The following TLN2 variants were observed in gnomAD, a reference collection of about 807,000 sequenced individuals.
The protein encoded by TLN2 is talin-2.
A neutral mutation model predicts 294.7 loss-of-function variants in TLN2; 118 were observed. The ratio of observed to expected loss-of-function variants is 0.40; its 90% CI spans 0.34 to 0.47. TLN2 has a LOEUF of 0.47. Among genes scored for constraint, TLN2 ranks in the 20% least tolerant of loss-of-function variants. The probability of loss-of-function intolerance (pLI) is 0.84; values close to 1 mark genes in which losing one functional copy is unlikely to be tolerated. For synonymous variants in TLN2, 1,431 were observed against 1,304.5 expected, an observed-to-expected ratio of 1.10 and a Z score of -2.09; for missense variants, 3,083 against 3,282.2, an observed-to-expected ratio of 0.94 and a Z score of 1.48.
At chr15:62,787,297 G>A (rs2064743079) in intron 45 of TLN2, among the ~76,000 whole-genome samples, 2 of 152,160 alleles carry the variant, frequency 1.3e-5, no homozygotes, top group South Asian at 4.1e-4. Flanking sequence ...CCTGGTTTCA[G>A]ATGTAGTTGT....
intron 52 of TLN2, among the ~76,000 whole-genome samples, chr15:62,814,197 A>G (rs2066902917): frequency 6.6e-6 from 1 of 152,252 alleles, no homozygotes; most frequent in African/African-American, 2.4e-5. Context: ...AGTAGAAGGC[A>G]GGAAAAAAAC....
intron 1 of TLN2, among the ~76,000 whole-genome samples, chr15:62,455,139 T>C (rs936357472): frequency 5.3e-5 from 8 of 152,140 alleles, no homozygotes; most frequent in African/African-American, 1.9e-4. Flanking sequence ...CTCCTCCTTT[T>C]TGAGGGTCTG....
At chr15:62,830,152 A>G (rs1156569731) in intron 54 of TLN2, 2 of 152,230 alleles carry the variant, frequency 1.3e-5, no homozygotes, top group Non-Finnish European at 2.9e-5. Context: ...AATTGTGGAA[A>G]GAATGAAACA....
intron 44 of TLN2, among the ~76,000 whole-genome samples, chr15:62,782,315 T>C (rs2064247534): frequency 6.6e-6 from 1 of 152,232 alleles, no homozygotes; most frequent in Non-Finnish European, 1.5e-5. Flanking sequence ...CTCAGTGTTT[T>C]GTGAAAAGCT....
intron 1 of TLN2, among the ~76,000 whole-genome samples, chr15:62,579,776 T>C (rs1034808898): frequency 2.0e-5 from 3 of 152,234 alleles, no homozygotes; most frequent in African/African-American, 4.8e-5. Flanking sequence ...ACATTCTCTC[T>C]CTGCATGTCC....
chr15:62,479,690 T>C (rs984594493), intron 1 of TLN2, among the ~76,000 whole-genome samples: 1 of 152,294 alleles, frequency 6.6e-6, no homozygotes. Flanking sequence ...TTTACCATGT[T>C]GGCCAGGCTG....
chr15:62,707,691 T>C (rs1225344011), intron 20 of TLN2, among the ~76,000 whole-genome samples: 2 of 152,194 alleles, frequency 1.3e-5, no homozygotes, highest in Middle Eastern at 3.2e-3. Context: ...GTGTCATACA[T>C]CACCTCATTA....
chr15:62,837,763 C>T (rs2069918529), intron 57 of TLN2, among the ~76,000 whole-genome samples: 1 of 152,200 alleles, frequency 6.6e-6, no homozygotes, highest in Non-Finnish European at 1.5e-5. Flanking sequence ...CAAATAAGCA[C>T]ATGGTGATTA....
intron 1 of TLN2, among the ~76,000 whole-genome samples, chr15:62,422,556 A>G (rs974973639): frequency 6.6e-6 from 1 of 152,198 alleles, no homozygotes; most frequent in Admixed American, 6.5e-5. Flanking sequence ...TTTTCAGACC[A>G]AGACAGAGTT....
intron 52 of TLN2, among the ~76,000 whole-genome samples, chr15:62,815,820 T>C (rs1220031702): frequency 6.6e-6 from 1 of 152,248 alleles, no homozygotes; most frequent in Admixed American, 6.5e-5. Flanking sequence ...TTGCTTCAGA[T>C]GCTTATATTT....
At chr15:62,515,196 A>G (rs2040126196) in intron 1 of TLN2, among the ~76,000 whole-genome samples, 1 of 152,162 alleles carries the variant, frequency 6.6e-6, no homozygotes, top group South Asian at 2.1e-4. Context: ...TACTCCCAAT[A>G]TAATTTTAAT....
At position 62,816,715 on chromosome 15, in the gene TLN2, C is replaced by T. The variant is rs979112832; in HGVS notation, c.6772-2801C>T. ...TTGCCATTAATTATGAGTGTCCGCACCATACCTTTAACCCTTTGCTTATTC... is the reference window on the plus strand; with the variant it reads ...TTGCCATTAATTATGAGTGTCCGCATCATACCTTTAACCCTTTGCTTATTC... On this transcript the variant is annotated intron_variant, in intron 52 of 58. Coordinates refer to ENST00000636159, the MANE Select transcript of TLN2 (RefSeq NM_015059.3). Among the ~76,000 whole-genome samples the T allele has an allele frequency of 3.3e-5, 5 of 152,298 alleles. No homozygotes were observed. The East Asian group carries it at 9.6e-4, about 29-fold the overall frequency.
intron 2 of TLN2, among the ~76,000 whole-genome samples, chr15:62,614,891 C>T (rs989386394): frequency 4.6e-5 from 7 of 152,060 alleles, no homozygotes; most frequent in African/African-American, 1.4e-4. Context: ...CTGCAACCCC[C>T]GCCTCCCAGG....
In TLN2 at chr15:62,666,265, G is replaced by A. The variant is rs1194148487; in HGVS notation, c.789-7562G>A. 4.6e-5 allele frequency among the ~76,000 whole-genome samples: 7 copies of A among 152,336 alleles called. No individual in the cohort carries two copies. The East Asian group carries it at 5.8e-4, about 13-fold the overall frequency. ...AATGTGTTCTCTCCAAAATTTGGGT[G>A]TTGTCAGTGTGATAGCGCTAAGAGG... On this transcript the variant is annotated intron_variant, in intron 9 of 58. Coordinates refer to ENST00000636159, the MANE Select transcript of TLN2 (RefSeq NM_015059.3).
intron 3 of TLN2, among the ~76,000 whole-genome samples, chr15:62,621,219 T>C (rs1032082237): frequency 3.9e-5 from 6 of 152,188 alleles, no homozygotes; most frequent in African/African-American, 1.4e-4. Flanking sequence ...TGTTTACCTT[T>C]GTCAGCACTC....
At chr15:62,426,753 G>T (rs906168537) in intron 1 of TLN2, among the ~76,000 whole-genome samples, 2 of 152,160 alleles carry the variant, frequency 1.3e-5, no homozygotes, top group African/African-American at 4.8e-5. Context: ...TTTTTTGGGA[G>T]GCCCTGCCTT....
chr15:62,797,736 G>C, intron 48 of TLN2, among the ~76,000 whole-genome samples: 1 of 152,228 alleles, frequency 6.6e-6, no homozygotes, highest in Non-Finnish European at 1.5e-5. Context: ...GGGCACAGGA[G>C]CTCCCTGAAG....
At chr15:62,789,976 C>T (rs549402093) in intron 45 of TLN2, among the ~76,000 whole-genome samples, 46 of 152,312 alleles carry the variant, frequency 3.0e-4, no homozygotes, top group African/African-American at 1.0e-3. Context: ...TGGGGGCCAC[C>T]GGTGCTTTGC....
chr15:62,709,565 A>G (rs2059288738), intron 21 of TLN2, among the ~76,000 whole-genome samples: 1 of 152,184 alleles, frequency 6.6e-6, no homozygotes, highest in Non-Finnish European at 1.5e-5. Flanking sequence ...TCAGATTCCA[A>G]AGCATCATAC....
Sources: gnomAD v4.1 joint callset for allele counts (sites outside exome capture counted in the v4.1 genomes callset) on GRCh38, gnomAD v4.1.1 for gene constraint, MANE v1.5 for transcripts, NCBI Gene and HGNC (gene_info 2026-07-23, HGNC 2026-07-21) for gene names.